PGM5: variants seen among roughly 807,000 people sequenced by gnomAD.
The protein encoded by PGM5 is phosphoglucomutase-like protein 5.
A neutral mutation model predicts 59.2 loss-of-function variants in PGM5; 23 were observed. The observed-to-expected ratio is 0.39, with a 90% CI of 0.28 to 0.55. PGM5 has a LOEUF of 0.55. Ranked by LOEUF, PGM5 falls within the 20% of genes least tolerant of loss-of-function variation. PGM5 has a pLI of 0.66. For synonymous variants in PGM5, 214 were observed against 286.0 expected (o/e 0.75, Z 2.54); for missense variants, 574 against 748.3 (o/e 0.77, Z 2.72).
At chr9:68,438,054 G>A (rs574437774) in intron 6 of PGM5, among the ~76,000 whole-genome samples, 31 of 152,258 alleles carry the variant, frequency 2.0e-4, no homozygotes, top group African/African-American at 7.5e-4. Context: ...GTGGGAGGCT[G>A]AGGTGGGTGG....
chr9:68,435,730 T>A (rs782191637), intron 6 of PGM5, among the ~76,000 whole-genome samples: 3 of 152,244 alleles, frequency 2.0e-5, no homozygotes, highest in Non-Finnish European at 4.4e-5. Flanking sequence ...CTTTAAGAAT[T>A]TGTGTACAAG....
chr9:68,384,868 A>C (rs529569536), intron 3 of PGM5, among the ~76,000 whole-genome samples: 6 of 150,278 alleles, frequency 4.0e-5, no homozygotes, highest in African/African-American at 1.5e-4. Flanking sequence ...AGATGCTGGA[A>C]TGCCTTAGTT....
At chr9:68,420,995 A>C (rs1167543276) in intron 6 of PGM5, among the ~76,000 whole-genome samples, 3 of 152,206 alleles carry the variant, frequency 2.0e-5, no homozygotes, top group Non-Finnish European at 4.4e-5. Context: ...TGCTTTGTCC[A>C]TGGATGGTTT....
At chr9:68,412,174 T>C (rs1372228010) in intron 6 of PGM5, among the ~76,000 whole-genome samples, 1 of 151,586 alleles carries the variant, frequency 6.6e-6, no homozygotes, top group East Asian at 1.9e-4. Flanking sequence ...AATGGGATAA[T>C]AAATGTAAAG....
chr9:68,398,118 G>A (rs142465261), intron 6 of PGM5: 60 of 152,316 alleles, frequency 3.9e-4, no homozygotes, highest in African/African-American at 1.3e-3. Flanking sequence ...GGAAGAGATA[G>A]TGATGTGAGC....
At chr9:68,487,366 T>C (rs1554687600) in intron 9 of PGM5, among the ~76,000 whole-genome samples, 1 of 151,622 alleles carries the variant, frequency 6.6e-6, no homozygotes, top group Non-Finnish European at 1.5e-5. Flanking sequence ...AAATATCAGT[T>C]CCCTCCCCTT....
intron 2 of PGM5, 119 bp from the exon 3 acceptor site, chr9:68,384,279 G>A: frequency 1.4e-6 from 1 of 693,614 alleles, no homozygotes; most frequent in Non-Finnish European, 2.6e-6. Context: ...GTGAACCATT[G>A]ATCATTGTTT....
chr9:68,441,170 A>G (rs1486354003), intron 6 of PGM5, among the ~76,000 whole-genome samples: 2 of 152,044 alleles, frequency 1.3e-5, no homozygotes, highest in African/African-American at 2.4e-5. Context: ...AAAACCTTCC[A>G]AAAAATCCTA....
chr9:68,479,920 C>T (rs1295100986), intron 8 of PGM5, among the ~76,000 whole-genome samples: 2 of 131,646 alleles, frequency 1.5e-5, no homozygotes, highest in Non-Finnish European at 3.1e-5. Context: ...GAGACTCCGT[C>T]TCAAAAAAAA....
At chr9:68,460,441 G>A (rs1226919456) in intron 6 of PGM5, among the ~76,000 whole-genome samples, 1 of 152,128 alleles carries the variant, frequency 6.6e-6, no homozygotes, top group Non-Finnish European at 1.5e-5. Flanking sequence ...AGACTGGTCA[G>A]ATAAAAATAA....
intron 9 of PGM5, among the ~76,000 whole-genome samples, chr9:68,486,949 T>A (rs1824305914): frequency 6.6e-6 from 1 of 152,244 alleles, no homozygotes; most frequent in Admixed American, 6.5e-5. Flanking sequence ...ATTATGTCTT[T>A]GTGATTTAAA....
chr9:68,376,835 C>CTTTCTTTCTTTCTTTCT lies in PGM5; in HGVS notation c.262-1363_262-1347dup, dbSNP rs1563984881. 7.3e-3 allele frequency among the ~76,000 whole-genome samples: 427 copies of CTTTCTTTCTTTCTTTCT among 58,582 alleles called. 28 individuals are homozygous for CTTTCTTTCTTTCTTTCT. Among genetic ancestry groups the CTTTCTTTCTTTCTTTCT allele is most frequent in the African/African-American group, 0.033 (404 of 12,078 alleles). 38.4% of individuals were successfully genotyped at this position (58,582 alleles called of 152,430 possible). A position where few individuals can be genotyped will look rare whatever the true frequency, so the allele number is the denominator to read the frequency against. ...TTTCTTTCTTTCTTTCTTTCTTTCT[C>CTTTCTTTCTTTCTTTCT]TTTCTTTCTTTCTTTCTCTTTCTTT... On this transcript the variant is annotated intron_variant, in intron 1 of 10. Coordinates refer to ENST00000396396, the MANE Select transcript of PGM5 (RefSeq NM_021965.4).
At chr9:68,465,023 C>G in intron 6 of PGM5, 70 bp from the exon 7 acceptor site, 1 of 949,350 alleles carries the variant, frequency 1.1e-6, no homozygotes, top group Non-Finnish European at 1.7e-6. Context: ...TAAAGACTTC[C>G]TACTGTGCTG....
At position 68,378,097 on chromosome 9, in the gene PGM5, A is replaced by G. The variant is rs533662994; in HGVS notation, c.262-102A>G. 83 of 943,104 alleles carry G rather than the reference A, an allele frequency of 8.8e-5. 2 individuals carry two copies. The highest frequency in any genetic ancestry group is 1.1e-4 in the Non-Finnish European group (77 of 674,440). The allele number at this position is 943,104 out of a possible 1,614,324, so 58.4% of individuals were successfully genotyped here. On this transcript the variant is annotated intron_variant, in intron 1 of 10. Coordinates refer to ENST00000396396, the MANE Select transcript of PGM5 (RefSeq NM_021965.4). ...ATCTAAAGCCTACTCTGTTTCTTTT[A>G]TCAAGTTATTGGCTGTATGTTAACA...
At chr9:68,491,340 G>A (rs1035226999) in intron 9 of PGM5, among the ~76,000 whole-genome samples, 2 of 152,196 alleles carry the variant, frequency 1.3e-5, no homozygotes, top group Non-Finnish European at 2.9e-5. Flanking sequence ...CTGAAGAATG[G>A]GTAGAAGGCA....
In PGM5 at chr9:68,480,272, C is replaced by T. The variant is rs1392810094; in HGVS notation, c.1295+719C>T. 2.0e-5 allele frequency among the ~76,000 whole-genome samples: 3 copies of T among 152,204 alleles called. No homozygotes were observed. In the East Asian group the frequency reaches 5.8e-4, roughly 29 times the overall value. On this transcript the variant is annotated intron_variant, in intron 8 of 10. Coordinates refer to ENST00000396396, the MANE Select transcript of PGM5 (RefSeq NM_021965.4). ...ACAGAAGCTGTGACAGGTTGGTATG[C>T]TTTCATAATCCTCTCTCTACCTCTT...
Position 68,519,093 on chromosome 9 carries a change from T to G in PGM5, c.1615-10474T>G, listed in dbSNP as rs147947550. 5.7e-3 allele frequency among the ~76,000 whole-genome samples: 866 copies of G among 152,330 alleles called. 8 individuals carry two copies. Among genetic ancestry groups the G allele is most frequent in the African/African-American group, 0.019 (808 of 41,576 alleles). On this transcript the variant is annotated intron_variant, in intron 10 of 10. Transcript: ENST00000396396. Reference sequence around the variant, plus strand: ...TGATGGCTTAGAACTCTTAATCTAGTGAAACTTTCCTTCTAAAATGAAAGC... The same window carrying G: ...TGATGGCTTAGAACTCTTAATCTAGGGAAACTTTCCTTCTAAAATGAAAGC...
intron 6 of PGM5, among the ~76,000 whole-genome samples, chr9:68,447,702 C>T (rs781982684): frequency 2.6e-5 from 4 of 152,040 alleles, no homozygotes; most frequent in East Asian, 1.9e-4. Context: ...CAATCCAGCA[C>T]GCTTTTTATA....
rs114240139 is a variant in PGM5 at position 68,470,991 on chromosome 9, A to G, written c.1159+5783A>G. Among the ~76,000 whole-genome samples the G allele has an allele frequency of 3.7e-3, 566 of 152,346 alleles. 5 individuals are homozygous for G. Among genetic ancestry groups the G allele is most frequent in the African/African-American group, 0.013 (526 of 41,578 alleles). On this transcript the variant is annotated intron_variant, in intron 7 of 10. Transcript: ENST00000396396. ...GAATGATCAACCCCTGTGCCGGGAA[A>G]CAGAACTCTCACTTAGCATTGGAAG...
Sources: allele counts gnomAD v4.1 joint callset (sites outside exome capture counted in the v4.1 genomes callset), GRCh38; gene constraint gnomAD v4.1.1; transcripts MANE v1.5; gene names NCBI Gene and HGNC (gene_info 2026-07-23, HGNC 2026-07-21).